SPATA1: variants seen among roughly 807,000 people sequenced by gnomAD.
SPATA1 encodes spermatogenesis-associated protein 1.
SPATA1 carries 57 observed loss-of-function variants against 59.6 expected under a neutral mutation model. The observed-to-expected ratio is 0.96, with a 90% confidence interval of 0.77 to 1.19. The LOEUF is 1.19. Ranked by LOEUF, SPATA1 falls within the 50% of genes most tolerant of loss-of-function variation. The pLI is 0.00. For synonymous variants in SPATA1, 147 were observed against 163.9 expected (o/e 0.90, Z 0.79); for missense variants, 448 against 480.7 (o/e 0.93, Z 0.64).
chr1:84,557,325 G>A (rs1203263524), downstream of SPATA1, among the ~76,000 whole-genome samples: 4 of 152,172 alleles, frequency 2.6e-5, no homozygotes, highest in East Asian at 7.7e-4. Flanking sequence ...CTGAGGTCAG[G>A]AGTTCAAGAC....
chr1:84,563,336 GT>G, intron 4 of SPATA1: 1 of 1,598,158 alleles, frequency 6.3e-7, no homozygotes, highest in Non-Finnish European at 8.5e-7. Flanking sequence ...CTTCATGATC[GT>G]TTTGTAGGGC....
chr1:84,545,807 T>A, intron 10 of SPATA1, 48 bp downstream of exon 10: 1 of 1,299,196 alleles, frequency 7.7e-7, no homozygotes, highest in South Asian at 2.1e-5. Context: ...AACTTAAGTT[T>A]TACAGAATTG....
Position 84,526,801 on chromosome 1 carries a change from G to T in SPATA1, c.544+728G>T, listed in dbSNP as rs1683243144. Among the ~76,000 whole-genome samples the T allele has an allele frequency of 2.0e-5, 3 of 150,658 alleles. No individual in the cohort carries two copies. In the South Asian group the frequency reaches 6.3e-4, roughly 32 times the overall value. On this transcript the variant is annotated intron_variant, in intron 6 of 12. Coordinates refer to ENST00000490879, the Ensembl canonical transcript of SPATA1. ...GAGGATTGCTTGAGCCAGGGACGGG[G>T]AGGTTGCAGTGAGCTGAGATGGCAC...
At chr1:84,558,293 C>CTT (rs369890996), downstream of SPATA1, among the ~76,000 whole-genome samples, 7 of 145,802 alleles carry the variant, frequency 4.8e-5, no homozygotes, top group African/African-American at 1.0e-4. Flanking sequence ...TGCCATTAAA[C>CTT]TTTTTTTTTT....
chr1:84,565,507 A>C (rs1014139013), intron 4 of SPATA1, among the ~76,000 whole-genome samples: 4 of 152,196 alleles, frequency 2.6e-5, no homozygotes, highest in African/African-American at 9.6e-5. Context: ...ATGTGATTTC[A>C]TGACAAGAAT....
chr1:84,520,606 T>C (rs774957098), exon 3 of SPATA1: 5 of 1,561,552 alleles, frequency 3.2e-6, no homozygotes, highest in South Asian at 2.5e-5. Flanking sequence ...TCATGTTTTT[T>C]ATGTCCCTGA....
chr1:84,541,935 T>G (rs560935434), intron 8 of SPATA1, among the ~76,000 whole-genome samples: 19 of 145,990 alleles, frequency 1.3e-4, no homozygotes, highest in African/African-American at 2.2e-4. Context: ...GGTTTTTGAG[T>G]TTTTTTTGTT....
At chr1:84,520,712 T>C in intron 3 of SPATA1, 21 bp downstream of exon 3, 1 of 1,403,340 alleles carries the variant, frequency 7.1e-7, no homozygotes, top group South Asian at 1.3e-5. Context: ...TGTAGTCATG[T>C]AACAATATGC....
chr1:84,532,886 A>C (rs953998275), exon 7 of SPATA1: 72 of 1,551,948 alleles, frequency 4.6e-5, no homozygotes, highest in Non-Finnish European at 5.9e-5. Flanking sequence ...TGCAGAAAAA[A>C]GCCAAATTGC....
chr1:84,553,738 T>C (rs1684344666), exon 13 of SPATA1: 1 of 152,274 alleles, frequency 6.6e-6, no homozygotes, highest in South Asian at 2.1e-4. Context: ...AATATTCTCA[T>C]AACAGATGGT....
chr1:84,527,096 C>T (rs1313960258), intron 6 of SPATA1, among the ~76,000 whole-genome samples: 1 of 151,988 alleles, frequency 6.6e-6, no homozygotes, highest in East Asian at 1.9e-4. Context: ...AACTTTGGAA[C>T]ATTGTTGGGT....
exon 2 of SPATA1, chr1:84,516,367 T>A: frequency 6.6e-7 from 1 of 1,521,064 alleles, no homozygotes; most frequent in Non-Finnish European, 8.8e-7. Context: ...AATATGTCAC[T>A]CAATCCAAGT....
At chr1:84,563,599 T>C (rs781106337) in intron 4 of SPATA1, 3 of 655,944 alleles carry the variant, frequency 4.6e-6, no homozygotes, top group South Asian at 4.5e-5. Context: ...TAAGCTTTCA[T>C]AGAAGTAAAA....
At chr1:84,520,662 TAACAAATTCATTTCA>T (rs749909445) in exon 3 of SPATA1, 2 of 1,572,452 alleles carry the variant, frequency 1.3e-6, no homozygotes, top group South Asian at 2.4e-5. Flanking sequence ...CAGAAGTTGT[TAACAAATTCATTTCA>T]GCTGGATTTC....
rs193122688 is a variant in SPATA1, at chr1:84,548,688, A to G, written c.947-98A>G. 7 of 1,280,486 alleles carry G rather than the reference A, an allele frequency of 5.5e-6. No individual in the cohort carries two copies. In the African/African-American group the frequency reaches 1.1e-4, roughly 20 times the overall value. 79.3% of individuals were successfully genotyped at this position (1,280,486 alleles called of 1,614,324 possible). On this transcript the variant is annotated intron_variant, in intron 10 of 12. Coordinates refer to ENST00000490879, the Ensembl canonical transcript of SPATA1. ...GAGGAAAATGGTTTAAATTGACATT[A>G]GCTCTAGGATCCTTTCCAGGATGAA... is the stretch of plus-strand genomic sequence containing the variant.
intron 2 of SPATA1, among the ~76,000 whole-genome samples, chr1:84,518,448 T>C (rs998394485): frequency 6.6e-6 from 1 of 152,138 alleles, no homozygotes; most frequent in African/African-American, 2.4e-5. Context: ...CTGTTTACTT[T>C]GAATATTTTA....
intron 12 of SPATA1, chr1:84,552,716 GAAC>G (rs560480613): frequency 5.8e-5 from 11 of 190,506 alleles, no homozygotes; most frequent in Non-Finnish European, 8.6e-5. Flanking sequence ...TACACATTGA[GAAC>G]AACAGGTTTT....
intron 12 of SPATA1, chr1:84,551,136 T>C: frequency 7.1e-6 from 7 of 985,220 alleles, no homozygotes; most frequent in Non-Finnish European, 8.4e-6. Flanking sequence ...GTGAAGTACA[T>C]ATGTATTAAA....
intron 6 of SPATA1, among the ~76,000 whole-genome samples, chr1:84,527,294 T>A (rs889704908): frequency 6.6e-6 from 1 of 152,190 alleles, no homozygotes; most frequent in Non-Finnish European, 1.5e-5. Flanking sequence ...GTTAAACTAA[T>A]TTTTTTCCTA....
Sources: gnomAD v4.1 joint callset for allele counts (sites outside exome capture counted in the v4.1 genomes callset) on GRCh38, gnomAD v4.1.1 for gene constraint, MANE v1.5 for transcripts, NCBI Gene and HGNC (gene_info 2026-07-23, HGNC 2026-07-21) for gene names.